AKAP13: variants seen among roughly 807,000 people sequenced by gnomAD.
AKAP13 encodes the protein A-kinase anchor protein 13.
AKAP13 carries 80 observed loss-of-function variants against 264.5 expected under a neutral mutation model. The ratio of observed to expected loss-of-function variants is 0.30; its 90% CI spans 0.25 to 0.36. The LOEUF is 0.36. Ranked by LOEUF, AKAP13 falls within the 10% of genes least tolerant of loss-of-function variation. The probability of loss-of-function intolerance (pLI) is 1.00; values close to 1 mark genes in which losing one functional copy is unlikely to be tolerated. For missense variants in AKAP13, 3,712 were observed against 3,435.2 expected (o/e 1.08, Z -2.01); for synonymous variants, 1,380 against 1,250.2 (o/e 1.10, Z -2.19).
intron 16 of AKAP13, among the ~76,000 whole-genome samples, chr15:85,687,059 C>T (rs17636666): frequency 0.2 from 29,928 of 152,100 alleles, 3,581 homozygotes; most frequent in Non-Finnish European, 0.27. Flanking sequence ...ATGTACCACT[C>T]ATCTCATGGA....
At chr15:85,583,989 A>G (rs1320717822) in intron 7 of AKAP13, among the ~76,000 whole-genome samples, 1 of 152,218 alleles carries the variant, frequency 6.6e-6, no homozygotes, top group Non-Finnish European at 1.5e-5. Flanking sequence ...GTCTCAGACT[A>G]CAGAGAAAGT....
intron 1 of AKAP13, among the ~76,000 whole-genome samples, chr15:85,464,538 C>A (rs2074651673): frequency 6.6e-6 from 1 of 152,246 alleles, no homozygotes; most frequent in South Asian, 2.1e-4. Flanking sequence ...TAGGTCATTT[C>A]TAACTCTCTA....
intron 3 of AKAP13, among the ~76,000 whole-genome samples, chr15:85,528,656 C>G (rs796883334): frequency 6.6e-6 from 1 of 152,094 alleles, no homozygotes; most frequent in African/African-American, 2.4e-5. Flanking sequence ...ATATTTTCTA[C>G]TTGACAGCTA....
chr15:85,527,055 G>T (rs1010111555), intron 3 of AKAP13, among the ~76,000 whole-genome samples: 2 of 151,754 alleles, frequency 1.3e-5, no homozygotes, highest in Admixed American at 6.6e-5. Context: ...CCTGGGTTCA[G>T]GCCATTCTCC....
intron 8 of AKAP13, among the ~76,000 whole-genome samples, chr15:85,616,769 G>A (rs1456231871): frequency 2.0e-5 from 3 of 152,164 alleles, no homozygotes; most frequent in Non-Finnish European, 2.9e-5. Context: ...TAAAAACTTG[G>A]AATTGTCACA....
At chr15:85,600,455 T>G (rs920621654) in intron 8 of AKAP13, among the ~76,000 whole-genome samples, 1 of 152,210 alleles carries the variant, frequency 6.6e-6, no homozygotes, top group Non-Finnish European at 1.5e-5. Flanking sequence ...TTGTTAAATA[T>G]TTTTAAAAGC....
intron 8 of AKAP13, among the ~76,000 whole-genome samples, chr15:85,612,242 T>G (rs1195894418): frequency 6.6e-6 from 1 of 152,204 alleles, no homozygotes; most frequent in African/African-American, 2.4e-5. Context: ...TAATGTATCT[T>G]AAAAACATGT....
intron 2 of AKAP13, among the ~76,000 whole-genome samples, chr15:85,497,395 T>G (rs931494727): frequency 1.3e-5 from 2 of 152,154 alleles, no homozygotes; most frequent in African/African-American, 2.4e-5. Context: ...AATGGAATAT[T>G]GGCAGATGTA....
intron 9 of AKAP13, among the ~76,000 whole-genome samples, chr15:85,642,228 T>G (rs1022428480): frequency 2.0e-5 from 3 of 152,256 alleles, no homozygotes; most frequent in African/African-American, 7.2e-5. Context: ...AAATTATTCC[T>G]GTCACTATGA....
At chr15:85,684,958 T>C in intron 16 of AKAP13, 85 bp downstream of exon 16, 2 of 1,444,024 alleles carry the variant, frequency 1.4e-6, no homozygotes, top group Non-Finnish European at 1.9e-6. Context: ...GGTTAAATCA[T>C]GGGGACATAA....
intron 5 of AKAP13, among the ~76,000 whole-genome samples, chr15:85,564,827 GAT>G (rs2078545124): frequency 6.6e-6 from 1 of 152,208 alleles, no homozygotes; most frequent in Non-Finnish European, 1.5e-5. Context: ...TATGTCAAGA[GAT>G]TGTGCTGAGT....
chr15:85,649,946 C>T (rs1248314207), intron 10 of AKAP13, among the ~76,000 whole-genome samples: 1 of 152,020 alleles, frequency 6.6e-6, no homozygotes, highest in East Asian at 1.9e-4. Context: ...AAATCAAGGT[C>T]CTTCCATGTT....
intron 1 of AKAP13, among the ~76,000 whole-genome samples, chr15:85,472,371 C>G (rs920210096): frequency 6.6e-6 from 1 of 151,142 alleles, no homozygotes; most frequent in African/African-American, 2.4e-5. Context: ...GACAACAACT[C>G]AACAAATTTT....
intron 17 of AKAP13, among the ~76,000 whole-genome samples, chr15:85,701,496 G>A (rs1403263450): frequency 2.6e-5 from 4 of 152,168 alleles, no homozygotes; most frequent in Non-Finnish European, 5.9e-5. Context: ...CTGGAGTACA[G>A]TGGCGCAATC....
intron 1 of AKAP13, among the ~76,000 whole-genome samples, chr15:85,449,859 A>G (rs1423258989): frequency 6.6e-6 from 1 of 152,162 alleles, no homozygotes; most frequent in African/African-American, 2.4e-5. Context: ...TTCATCAAGG[A>G]TATTGGCCTG....
chr15:85,596,748 A>C (rs555500752), intron 8 of AKAP13, among the ~76,000 whole-genome samples: 1 of 152,312 alleles, frequency 6.6e-6, no homozygotes, highest in East Asian at 1.9e-4. Flanking sequence ...AATTGGGGTA[A>C]ATTGTATAGC....
intron 2 of AKAP13, among the ~76,000 whole-genome samples, chr15:85,491,540 A>AAT (rs910480315): frequency 5.2e-5 from 6 of 116,322 alleles, no homozygotes; most frequent in African/African-American, 1.2e-4. Flanking sequence ...TTTTATATAT[A>AAT]ATATATATAT....
At chr15:85,440,822 A>G (rs1317775457) in intron 1 of AKAP13, among the ~76,000 whole-genome samples, 3 of 152,188 alleles carry the variant, frequency 2.0e-5, no homozygotes, top group East Asian at 3.8e-4. Context: ...AATGATGACC[A>G]TTTAGAAGCC....
chr15:85,717,901 A>G, intron 21 of AKAP13, 106 bp from the exon 22 acceptor site: 1 of 1,109,466 alleles, frequency 9.0e-7, no homozygotes, highest in Non-Finnish European at 1.3e-6. Flanking sequence ...TATCCCCTGT[A>G]TTCATGTGTC....
Sources: allele counts gnomAD v4.1 joint callset (sites outside exome capture counted in the v4.1 genomes callset), GRCh38; gene constraint gnomAD v4.1.1; transcripts MANE v1.5; gene names NCBI Gene and HGNC (gene_info 2026-07-23, HGNC 2026-07-21).